Variants in PTPRG observed in about 807,000 individuals in gnomAD.
PTPRG encodes the protein receptor-type tyrosine-protein phosphatase gamma.
PTPRG carries 102 observed loss-of-function variants against 165.3 expected under a neutral mutation model. The observed-to-expected ratio is 0.62, with a 90% CI of 0.53 to 0.73. The LOEUF is 0.73. Among genes scored for constraint, PTPRG ranks in the 30% least tolerant of loss-of-function variants. PTPRG has a pLI of 0.00. For missense variants in PTPRG, 1,866 were observed against 1,861.4 expected (o/e 1.00, Z -0.05); for synonymous variants, 675 against 669.5 (o/e 1.01, Z -0.13).
chr3:61,635,996 T>A (rs59497357), intron 1 of PTPRG, among the ~76,000 whole-genome samples: 5 of 152,168 alleles, frequency 3.3e-5, no homozygotes, highest in African/African-American at 9.7e-5. Context: ...TCTGCTTGAA[T>A]GCTTCTAATA....
At chr3:61,908,863 T>C (rs183091372) in intron 2 of PTPRG, among the ~76,000 whole-genome samples, 2 of 152,296 alleles carry the variant, frequency 1.3e-5, no homozygotes, top group Non-Finnish European at 2.9e-5. Context: ...AGTTCCCGAA[T>C]TTGTTGGGCC....
intron 1 of PTPRG, among the ~76,000 whole-genome samples, chr3:61,600,169 AAAAAATAT>A (rs1157371830): frequency 1.0e-5 from 1 of 100,094 alleles, no homozygotes; most frequent in African/African-American, 4.2e-5. Flanking sequence ...CAAAAAAAAA[AAAAAATAT>A]ATATATATAT....
At chr3:61,745,300 G>A (rs2033155975) in intron 1 of PTPRG, among the ~76,000 whole-genome samples, 1 of 152,084 alleles carries the variant, frequency 6.6e-6, no homozygotes, top group Admixed American at 6.5e-5. Flanking sequence ...GCCCACCTTG[G>A]CCTCCCAAAG....
At chr3:61,970,444 C>T (rs1392158243) in intron 2 of PTPRG, among the ~76,000 whole-genome samples, 2 of 152,116 alleles carry the variant, frequency 1.3e-5, no homozygotes, top group African/African-American at 4.8e-5. Flanking sequence ...TAAATGTTTG[C>T]TAGTTGTAGA....
chr3:61,615,978 G>A (rs1187242246), intron 1 of PTPRG, among the ~76,000 whole-genome samples: 1 of 152,186 alleles, frequency 6.6e-6, no homozygotes, highest in Non-Finnish European at 1.5e-5. Flanking sequence ...TTGAGATGGA[G>A]TCTCGCTCTG....
intron 2 of PTPRG, among the ~76,000 whole-genome samples, chr3:61,763,095 G>A (rs1268717565): frequency 6.6e-6 from 1 of 152,116 alleles, no homozygotes; most frequent in Admixed American, 6.6e-5. Flanking sequence ...GACTTGGATC[G>A]TGTTCTCATG....
chr3:62,194,424 A>G (rs1699909629), intron 9 of PTPRG, among the ~76,000 whole-genome samples: 2 of 152,214 alleles, frequency 1.3e-5, no homozygotes, highest in South Asian at 2.1e-4. Context: ...TGTGAGTGGT[A>G]TGAGGAGACT....
At chr3:62,241,280 G>A (rs982982097) in intron 14 of PTPRG, among the ~76,000 whole-genome samples, 2 of 152,140 alleles carry the variant, frequency 1.3e-5, no homozygotes, top group African/African-American at 4.8e-5. Flanking sequence ...TGCAGTGGGT[G>A]CTGAATAAAC....
At chr3:62,061,637 T>C (rs542833784) in intron 4 of PTPRG, among the ~76,000 whole-genome samples, 29 of 151,510 alleles carry the variant, frequency 1.9e-4, no homozygotes, top group Admixed American at 6.6e-4. Context: ...CTTTTCTTTT[T>C]TTTTTTTTTT....
chr3:61,815,778 A>T (rs2035744045), intron 2 of PTPRG, among the ~76,000 whole-genome samples: 1 of 152,226 alleles, frequency 6.6e-6, no homozygotes. Context: ...TCTGTAAAGC[A>T]CCTGTTACAT....
intron 2 of PTPRG, among the ~76,000 whole-genome samples, chr3:61,967,413 A>G (rs1053191136): frequency 2.0e-5 from 3 of 152,122 alleles, no homozygotes; most frequent in African/African-American, 7.2e-5. Context: ...CACCTTTTTC[A>G]ACTCCTTAAT....
At chr3:61,915,187 C>T (rs985851474) in intron 2 of PTPRG, among the ~76,000 whole-genome samples, 1 of 152,196 alleles carries the variant, frequency 6.6e-6, no homozygotes, top group African/African-American at 2.4e-5. Context: ...TGAGATCAAG[C>T]CACTGCACTC....
At chr3:62,102,551 G>A (rs968949370) in intron 5 of PTPRG, among the ~76,000 whole-genome samples, 3 of 152,180 alleles carry the variant, frequency 2.0e-5, no homozygotes, top group South Asian at 4.1e-4. Context: ...GATTACAGGC[G>A]TGAGCCACCA....
At chr3:61,953,707 T>G (rs112134363) in intron 2 of PTPRG, among the ~76,000 whole-genome samples, 1,914 of 152,262 alleles carry the variant, frequency 0.013, 42 homozygotes, top group South Asian at 0.073. Context: ...AGAAGGGTGA[T>G]GGAGATGCAC....
intron 2 of PTPRG, among the ~76,000 whole-genome samples, chr3:61,818,059 A>C (rs2035840876): frequency 6.6e-6 from 1 of 152,136 alleles, no homozygotes; most frequent in Admixed American, 6.5e-5. Flanking sequence ...ACAGTGGGAG[A>C]TCTACATGTT....
intron 2 of PTPRG, among the ~76,000 whole-genome samples, chr3:61,809,894 G>C (rs151131200): frequency 2.0e-5 from 3 of 152,320 alleles, no homozygotes; most frequent in African/African-American, 4.8e-5. Flanking sequence ...AAGCAGAACA[G>C]TTTTCCCCCA....
chr3:61,674,015 A>C (rs1315663583), intron 1 of PTPRG, among the ~76,000 whole-genome samples: 1 of 145,330 alleles, frequency 6.9e-6, no homozygotes, highest in African/African-American at 2.5e-5. Flanking sequence ...GGAACATCAC[A>C]CACTGGCGTC....
At chr3:61,684,896 C>T (rs2107131440) in intron 1 of PTPRG, among the ~76,000 whole-genome samples, 1 of 152,228 alleles carries the variant, frequency 6.6e-6, no homozygotes, top group Non-Finnish European at 1.5e-5. Flanking sequence ...TGATATCTGT[C>T]ACCAGAGACA....
chr3:61,821,990 A>G (rs2035970947), intron 2 of PTPRG, among the ~76,000 whole-genome samples: 1 of 152,238 alleles, frequency 6.6e-6, no homozygotes, highest in South Asian at 2.1e-4. Context: ...CATCATAGTA[A>G]TCTATCTTCC....
Sources: allele counts gnomAD v4.1 joint callset (sites outside exome capture counted in the v4.1 genomes callset), GRCh38; gene constraint gnomAD v4.1.1; transcripts MANE v1.5; gene names NCBI Gene and HGNC (gene_info 2026-07-23, HGNC 2026-07-21).